The following SEC16A variants were observed in gnomAD, a reference collection of about 807,000 sequenced individuals.
The protein encoded by SEC16A is SEC16 homolog A, endoplasmic reticulum export factor, also known as protein transport protein Sec16A.
In SEC16A, 110 loss-of-function variants were observed where a neutral mutation model predicts 221.9. That is an observed-to-expected ratio of 0.50 (90% CI 0.42 to 0.58). The LOEUF (loss-of-function observed/expected upper bound fraction) is 0.58. Among genes scored for constraint, SEC16A ranks in the 20% least tolerant of loss-of-function variants. The pLI, the probability that SEC16A is intolerant of heterozygous loss-of-function variation, is 0.00. For missense variants in SEC16A, 3,165 were observed against 3,097.8 expected, an observed-to-expected ratio of 1.02 and a Z score of -0.52; for synonymous variants, 1,393 against 1,257.7, an observed-to-expected ratio of 1.11 and a Z score of -2.28.
In SEC16A at chr9:136,440,122, A is replaced by G. The variant is rs1044593926; in HGVS notation, c.*1633T>C. ...GAAGGTGCTTGAAGGAGCGCAAAATATTTTATTCAACAATTTGCAATGTAA... is the reference window on the plus strand; with the variant it reads ...GAAGGTGCTTGAAGGAGCGCAAAATGTTTTATTCAACAATTTGCAATGTAA... On this transcript the variant is annotated 3_prime_UTR_variant, in exon 32 of 32. Transcript: ENST00000684901. 1 of 152,266 alleles carries G rather than the reference A, an allele frequency of 6.6e-6. No homozygotes were observed. The highest frequency in any genetic ancestry group is 1.5e-5 in the Non-Finnish European group (1 of 68,020). 9.4% of individuals were successfully genotyped at this position (152,266 alleles called of 1,614,324 possible). A position where few individuals can be genotyped will look rare whatever the true frequency, so the allele number is the denominator to read the frequency against.
At chr9:136,484,039 G>C (rs115452400), upstream of SEC16A, 1,590 of 160,954 alleles carry the variant, frequency 9.9e-3, 22 homozygotes, top group African/African-American at 0.035. Context: ...CGCGGAGCCG[G>C]GTGTCCGCCG....
At chr9:136,484,651 G>T (rs1842767244), upstream of SEC16A, 1 of 1,365,898 alleles carries the variant, frequency 7.3e-7, no homozygotes, top group South Asian at 1.1e-5. Flanking sequence ...CGGCTGGTGA[G>T]GGAGGGGGTG....
chr9:136,454,366 A>AG lies in SEC16A; in HGVS notation c.5858-40dup, dbSNP rs757590251. ...GTGGAGAAGAGGTCTGGGGTTACTGAGGGTAGCTTGAGTTACTGGAAGGAG... is the reference window on the plus strand; with the variant it reads ...GTGGAGAAGAGGTCTGGGGTTACTGAGGGGTAGCTTGAGTTACTGGAAGGAG... On this transcript the variant is annotated intron_variant, in intron 20 of 31. Transcript: ENST00000684901. The AG allele has an allele frequency of 3.3e-6, 5 of 1,533,746 alleles. No homozygotes were observed. In the East Asian group the frequency reaches 1.2e-4, roughly 37 times the overall value.
chr9:136,476,145 GC>G lies in SEC16A; in HGVS notation c.1470del (p.Leu492PhefsTer80). On this transcript the variant is annotated frameshift_variant, in exon 3 of 32. Coordinates refer to ENST00000684901, the MANE Select transcript of SEC16A (RefSeq NM_014866.2). LOFTEE classifies it high-confidence loss of function. ...PSSPSDQFRY[G>X]PLPGPAVPRH... ...CTGGGCACAGCTGGCCCAGGAAGGGGCCCATATCTGAACTGGTCACTCGGGG... is the reference window on the plus strand; with the variant it reads ...CTGGGCACAGCTGGCCCAGGAAGGGGCCATATCTGAACTGGTCACTCGGGG... 6.2e-7 allele frequency: 1 copy of G among 1,613,846 alleles called. No individual in the cohort carries two copies. The highest frequency in any genetic ancestry group is 8.5e-7 in the Non-Finnish European group (1 of 1,179,868).
chr9:136,472,061 C>G lies in SEC16A; in HGVS notation c.3618G>C (p.Ala1206=), dbSNP rs530637938. The change falls in exon 4 of 32, where the codon GCG becomes GCC. Residue 1206 remains alanine (A), a synonymous_variant. Transcript: ENST00000684901. ...AGCGGTAGTTCTGGGCGTAAGCAGA[C>G]GCAGCACCATCATAGGGCCTGTATC... ...EPRYRPYDGA[A]SAYAQNYRYP... 6.2e-7 allele frequency: 1 copy of G among 1,613,426 alleles called. No homozygotes were observed. The highest frequency in any genetic ancestry group is 8.5e-7 in the Non-Finnish European group (1 of 1,179,888).
At chr9:136,483,458 T>A, upstream of SEC16A, 1 of 556,992 alleles carries the variant, frequency 1.8e-6, no homozygotes, top group Non-Finnish European at 2.1e-6. Context: ...CCCTCGGCCG[T>A]CCTTCCCCGC....
chr9:136,482,591 GT>G (rs2133204531), intron 1 of SEC16A, among the ~76,000 whole-genome samples: 1 of 152,362 alleles, frequency 6.6e-6, no homozygotes, highest in Admixed American at 6.5e-5. Flanking sequence ...CTTCTAGCCG[GT>G]GAGGACAAGA....
intron 29 of SEC16A, among the ~76,000 whole-genome samples, chr9:136,445,358 C>T (rs938936954): frequency 1.3e-5 from 2 of 152,220 alleles, no homozygotes; most frequent in Non-Finnish European, 2.9e-5. Context: ...AAGCCAGCTT[C>T]ACCTCCTGAC....
At chr9:136,443,229 G>GAC (rs10657567) in intron 31 of SEC16A, among the ~76,000 whole-genome samples, 66,008 of 151,918 alleles carry the variant, frequency 0.43, 14,685 homozygotes, top group Admixed American at 0.53. Context: ...GCCTCGTGTC[G>GAC]ACAGAGCTCC....
intron 22 of SEC16A, 102 bp downstream of exon 22, chr9:136,453,326 A>T: frequency 5.0e-6 from 4 of 793,158 alleles, no homozygotes; most frequent in Non-Finnish European, 2.1e-6. Flanking sequence ...AAACAATTTC[A>T]TAGTCCTCAC....
In SEC16A at chr9:136,474,917, C is replaced by T; in HGVS notation, c.2699G>A (p.Ser900Asn). 1 of 1,613,852 alleles carries T rather than the reference C, an allele frequency of 6.2e-7. No individual in the cohort carries two copies. The highest frequency in any genetic ancestry group is 1.3e-5 in the African/African-American group (1 of 75,018). ...TGGAAAATTACTTTGGGCAACACTG[C>T]TAGGCAGAGACAAGCTAAGGACAGA... The part of the protein sequence containing the change: ...TSSVLSLSLP[S>N]SVAQSNFPQG... Residue 900 changes from serine (S) to asparagine (N), a missense_variant, in exon 3 of 32, where the codon AGC becomes AAC. Physicochemically the swap from Ser to Asn is conservative, Grantham distance 46 (BLOSUM62 1). This residue lies in a region of SEC16A where 2,030 missense variants were observed against 1,923.1 expected (regional missense o/e 1.06). Transcript: ENST00000684901.
chr9:136,474,177 G>A lies in SEC16A; in HGVS notation c.3439C>T (p.Leu1147Phe), dbSNP rs1841295763. 1 of 1,613,000 alleles carries A rather than the reference G, an allele frequency of 6.2e-7. No individual in the cohort carries two copies. The highest frequency in any genetic ancestry group is 1.3e-5 in the African/African-American group (1 of 74,938). ...TCCTGAGGCGGTGGGCCGGGGGCAA[G>A]TGCAGGCACTGGCTGTGGCCACGGC... ...EQPWPQPVPA[L>F]APGPPPQDLA... Residue 1147 changes from leucine to phenylalanine, a missense_variant, in exon 3 of 32, where the codon CTT becomes TTT. Leu to Phe is a conservative substitution (Grantham distance 22). Transcript: ENST00000684901.
chr9:136,465,983 C>G lies in SEC16A; in HGVS notation c.4282G>C (p.Val1428Leu). 6.2e-7 allele frequency: 1 copy of G among 1,613,300 alleles called. No homozygotes were observed. Among genetic ancestry groups the G allele is most frequent in the African/African-American group, 1.3e-5 (1 of 75,060 alleles). Residue 1428 changes from valine to leucine, a missense_variant, in exon 8 of 32, where the codon GTC (valine) becomes CTC (leucine). Transcript: ENST00000684901. ...FPEYGYPADT[V>L]WPAMEQVSSR... Reference sequence around the variant, plus strand: ...ACACCTTGCTCCATGGCAGGCCAGACGGTGTCGGCAGGGTAGCCATACTCT... The same window carrying G: ...ACACCTTGCTCCATGGCAGGCCAGAGGGTGTCGGCAGGGTAGCCATACTCT...
chr9:136,459,511 C>T lies in SEC16A; in HGVS notation c.5236G>A (p.Ala1746Thr), dbSNP rs369967246. ...GTGTAAACACCAAATCCCGCCTGGG[C>T]CATGAGGTAGCAGAAGTGGGCCGCA... is the stretch of plus-strand genomic sequence containing the variant. ...LDAAHFCYLM[A>T]QAGFGVYTKK... Residue 1746 changes from alanine (A) to threonine (T), a missense_variant, in exon 16 of 32, where the codon GCC becomes ACC. This residue lies in a region of SEC16A where 1,088 missense variants were observed against 1,089.6 expected (regional missense o/e 1.00). Transcript: ENST00000684901. This position sits in a 1 kb window ranked among gnomAD's most constrained non-coding sequence, Gnocchi z 6.1. The T allele has an allele frequency of 4.2e-5, 68 of 1,606,804 alleles. No homozygotes were observed. The highest frequency in any genetic ancestry group is 5.0e-5 in the Non-Finnish European group (59 of 1,176,512).
rs756535524 is a variant in SEC16A, at chr9:136,460,092, G to A, written c.5023C>T (p.Leu1675=). The A allele has an allele frequency of 6.2e-6, 10 of 1,607,868 alleles. 1 individual carries two copies. The South Asian group carries it at 1.0e-4, about 16-fold the overall frequency. ...FANSLPINDP[L]QTVYQLMSGR... ...GACATGAGCTGGTAGACTGTCTGCA[G>A]AGGGTCGTTGATTGGGAGGCTGTTA... Residue 1675 remains leucine (L), a synonymous_variant, in exon 14 of 32, where the codon CTG becomes TTG. Transcript: ENST00000684901.
rs748340621 is a variant in SEC16A at position 136,441,804 on chromosome 9, C to T, written c.7025G>A (p.Ser2342Asn). The T allele has an allele frequency of 2.3e-5, 37 of 1,613,158 alleles. No individual in the cohort carries two copies. Among genetic ancestry groups the T allele is most frequent in the Non-Finnish European group, 3.0e-5 (35 of 1,179,802 alleles). ...QLAQACATSG[S>N]SRLGRIGQRK... is the part of the protein sequence containing the mutation. ...CTGGCCAATCCTCCCTAGCCTTGAG[C>T]TCCCGGAGGTGGCGCAGGCCTGGAA... Residue 2342 changes from serine to asparagine, a missense_variant, in exon 32 of 32, where the codon AGC (serine) becomes AAC (asparagine). Transcript: ENST00000684901.
At chr9:136,449,085 G>T (rs73670271) in intron 23 of SEC16A, among the ~76,000 whole-genome samples, 1 of 152,172 alleles carries the variant, frequency 6.6e-6, no homozygotes, top group Admixed American at 6.5e-5. Flanking sequence ...AACTTTTTAC[G>T]TCTAAACACT....
At position 136,456,138 on chromosome 9, in the gene SEC16A, G is replaced by A. The variant is rs751362147; in HGVS notation, c.5579C>T (p.Pro1860Leu). 8.1e-6 allele frequency: 13 copies of A among 1,612,362 alleles called. No homozygotes were observed. The highest frequency in any genetic ancestry group is 8.5e-6 in the Non-Finnish European group (10 of 1,179,764). The change falls in exon 19 of 32, where the codon CCC (proline) becomes CTC (leucine). Residue 1860 changes from proline to leucine, a missense_variant. Pro to Leu is a moderately conservative substitution (Grantham distance 98). Around this residue, in one of 3 missense-constraint regions of SEC16A, gnomAD observed 1,088 missense variants for 1,089.6 expected, o/e 1.00. Coordinates refer to ENST00000684901, the MANE Select transcript of SEC16A (RefSeq NM_014866.2). ...QMASQLRLFD[P>L]QLKEKPEEES... ...CTCTTCTGGCTTCTCTTTCAGCTGG[G>A]GATCGAAGAGTCGTAACTGGGAAGC...
At chr9:136,479,628 A>T (rs1842069733) in intron 1 of SEC16A, among the ~76,000 whole-genome samples, 2 of 152,172 alleles carry the variant, frequency 1.3e-5, no homozygotes, top group South Asian at 4.1e-4. Flanking sequence ...CTGGGATTAC[A>T]GGCGTGAGCC....
Sources: gnomAD v4.1 joint callset for allele counts (sites outside exome capture counted in the v4.1 genomes callset) on GRCh38, gnomAD v4.1.1 for gene constraint, gnomAD v4.1.1 regional missense constraint, Gnocchi (gnomAD v3.1) non-coding constraint, MANE v1.5 for transcripts, NCBI Gene and HGNC (gene_info 2026-07-23, HGNC 2026-07-21) for gene names.